Variants in PPP4R3B observed in about 807,000 individuals in gnomAD.
The protein encoded by PPP4R3B is serine/threonine-protein phosphatase 4 regulatory subunit 3B.
Under a neutral mutation model 95.4 loss-of-function variants are expected in PPP4R3B, and 52 were observed. The observed-to-expected ratio is 0.54, with a 90% CI of 0.44 to 0.69. The LOEUF is 0.69. Ranked by LOEUF, PPP4R3B falls within the 30% of genes least tolerant of loss-of-function variation. PPP4R3B has a pLI of 0.00. For missense variants in PPP4R3B, 1,003 were observed against 1,005.9 expected (o/e 1.00, Z 0.04); for synonymous variants, 407 against 343.9 (o/e 1.18, Z -2.03).
Position 55,586,599 on chromosome 2 carries a change from A to G in PPP4R3B, c.1116+19T>C, listed in dbSNP as rs1164242811. On this transcript the variant is annotated intron_variant, in intron 6 of 16. Coordinates refer to ENST00000616407, the MANE Select transcript of PPP4R3B (RefSeq NM_001122964.3). ...CAAATTTACAATTTCAAAAACATGA[A>G]AAGAAACGGCATAATTACCATTACA... 6.9e-7 allele frequency: 1 copy of G among 1,456,830 alleles called. No homozygotes were observed. The highest frequency in any genetic ancestry group is 9.5e-7 in the Non-Finnish European group (1 of 1,053,688). The allele number at this position is 1,456,830 out of a possible 1,614,324, so 90.2% of individuals were successfully genotyped here. A position where few individuals can be genotyped will look rare whatever the true frequency, so the allele number is the denominator to read the frequency against.
intron 5 of PPP4R3B, among the ~76,000 whole-genome samples, chr2:55,587,027 G>A (rs1395109492): frequency 1.3e-5 from 2 of 152,056 alleles, no homozygotes; most frequent in Non-Finnish European, 2.9e-5. Context: ...TTTTTCCAGT[G>A]AATGGAGGTG....
intron 13 of PPP4R3B, among the ~76,000 whole-genome samples, chr2:55,567,770 T>C (rs1687499105): frequency 6.6e-6 from 1 of 152,112 alleles, no homozygotes; most frequent in Admixed American, 6.6e-5. Flanking sequence ...ACCTCTACAA[T>C]AAAAATATCA....
chr2:55,553,383 CA>C (rs925780980), intron 16 of PPP4R3B, among the ~76,000 whole-genome samples: 2 of 152,114 alleles, frequency 1.3e-5, no homozygotes, highest in African/African-American at 4.8e-5. Flanking sequence ...GAACTACAAA[CA>C]ACTAACACCT....
chr2:55,589,015 T>A (rs1337670231), intron 4 of PPP4R3B, 59 bp from the exon 5 acceptor site: 1 of 1,013,736 alleles, frequency 9.9e-7, no homozygotes, highest in Non-Finnish European at 1.5e-6. Context: ...TATACTCATT[T>A]ATATGACTTA....
At position 55,617,157 on chromosome 2, in the gene PPP4R3B, C is replaced by T. The variant is rs1229601936; in HGVS notation, c.129G>A (p.Arg43=). 12 of 1,612,598 alleles carry T rather than the reference C, an allele frequency of 7.4e-6. No individual in the cohort carries two copies. The highest frequency in any genetic ancestry group is 1.0e-5 in the Non-Finnish European group (12 of 1,179,416). The change falls in exon 1 of 17, where the codon CGG becomes CGA. Residue 43 remains arginine, a synonymous_variant. Coordinates refer to ENST00000616407, the MANE Select transcript of PPP4R3B (RefSeq NM_001122964.3). ...EELKGMSLLV[R]AESDGSLLLE... is the part of the protein sequence containing the mutation. The stretch of plus-strand genomic sequence containing the variant: ...CGATAACCTTACCGTCGGACTCTGC[C>T]CGAACCAGCAGCGACATCCCCTTGA...
At chr2:55,598,369 A>G (rs757241898) in intron 4 of PPP4R3B, 47 bp downstream of exon 4, 30 of 1,572,654 alleles carry the variant, frequency 1.9e-5, no homozygotes, top group Non-Finnish European at 2.5e-5. Context: ...TATTAAGGGA[A>G]CTAAATATCT....
intron 3 of PPP4R3B, among the ~76,000 whole-genome samples, chr2:55,602,016 T>C (rs1185803414): frequency 1.3e-5 from 2 of 152,112 alleles, no homozygotes; most frequent in African/African-American, 2.4e-5. Flanking sequence ...AAAAAATCAC[T>C]GGACTGACAA....
intron 2 of PPP4R3B, 91 bp downstream of exon 2, chr2:55,615,360 T>C: frequency 1.1e-6 from 1 of 945,834 alleles, no homozygotes. Context: ...CATGTTTTTT[T>C]CTTGTCAGGA....
chr2:55,617,450 G>T lies in PPP4R3B; in HGVS notation c.-165C>A. The T allele has an allele frequency of 1.3e-6, 1 of 795,688 alleles. No homozygotes were observed. The highest frequency in any genetic ancestry group is 1.8e-6 in the Non-Finnish European group (1 of 553,316). 49.3% of individuals were successfully genotyped at this position (795,688 alleles called of 1,614,324 possible). On this transcript the variant is annotated 5_prime_UTR_variant, in exon 1 of 17. Transcript: ENST00000616407. The stretch of plus-strand genomic sequence containing the variant: ...CAAAGGTTCAGCCGCGAGAAGGGGT[G>T]ACAAGAGCCACTGAGGCCTCTCCGC...
intron 15 of PPP4R3B, among the ~76,000 whole-genome samples, chr2:55,562,851 C>G (rs1686802688): frequency 6.6e-6 from 1 of 152,120 alleles, no homozygotes; most frequent in Non-Finnish European, 1.5e-5. Context: ...CACTCACTGA[C>G]TCTACACTTC....
At chr2:55,556,407 A>C (rs939166207) in intron 16 of PPP4R3B, among the ~76,000 whole-genome samples, 10 of 152,228 alleles carry the variant, frequency 6.6e-5, no homozygotes, top group African/African-American at 2.4e-4. Flanking sequence ...AAACTCAGAG[A>C]AATATAACAG....
At position 55,549,609 on chromosome 2, in the gene PPP4R3B, C is replaced by G; in HGVS notation, c.*302G>C. 6.8e-6 allele frequency: 2 copies of G among 294,284 alleles called. No homozygotes were observed. The highest frequency in any genetic ancestry group is 1.1e-4 in the South Asian group (2 of 18,464). The allele number at this position is 294,284 out of a possible 1,614,324, so 18.2% of individuals were successfully genotyped here. On this transcript the variant is annotated 3_prime_UTR_variant, in exon 17 of 17. Transcript: ENST00000616407. ...TGCATTATTATATCAACCTTTTCCC[C>G]TCCCCTAAACCGTCCCCAAACCTGT...
At chr2:55,588,652 G>T (rs570966472) in intron 5 of PPP4R3B, among the ~76,000 whole-genome samples, 2 of 152,092 alleles carry the variant, frequency 1.3e-5, no homozygotes, top group South Asian at 2.1e-4. Context: ...ATACAATGGT[G>T]GGGGGTGATA....
chr2:55,599,125 G>A (rs1692209604), intron 3 of PPP4R3B, 86 bp from the exon 4 acceptor site: 4 of 1,225,736 alleles, frequency 3.3e-6, no homozygotes, highest in African/African-American at 1.5e-5. Flanking sequence ...GAAATGCCTG[G>A]CTAGTCACTA....
intron 15 of PPP4R3B, among the ~76,000 whole-genome samples, chr2:55,561,734 C>T (rs896319097): frequency 5.3e-5 from 8 of 152,218 alleles, no homozygotes; most frequent in Non-Finnish European, 8.8e-5. Context: ...TTTGTTTTGG[C>T]CAATTTCTTC....
At chr2:55,560,484 A>C (rs1293701684) in intron 15 of PPP4R3B, among the ~76,000 whole-genome samples, 2 of 152,288 alleles carry the variant, frequency 1.3e-5, no homozygotes, top group East Asian at 3.9e-4. Flanking sequence ...CAAAGCATTC[A>C]AGTGGTGGCC....
intron 3 of PPP4R3B, among the ~76,000 whole-genome samples, chr2:55,600,634 G>A (rs115984686): frequency 6.6e-6 from 1 of 152,132 alleles, no homozygotes; most frequent in Non-Finnish European, 1.5e-5. Flanking sequence ...TCAGCAACAT[G>A]CACAGATTTT....
chr2:55,559,294 C>T (rs1016920708), intron 15 of PPP4R3B, among the ~76,000 whole-genome samples: 1 of 151,700 alleles, frequency 6.6e-6, no homozygotes, highest in Non-Finnish European at 1.5e-5. Flanking sequence ...TGTGGTGAGC[C>T]GAGATCGCAC....
At chr2:55,563,316 T>C (rs923232301) in intron 15 of PPP4R3B, among the ~76,000 whole-genome samples, 4 of 152,274 alleles carry the variant, frequency 2.6e-5, no homozygotes, top group East Asian at 3.8e-4. Flanking sequence ...AAATGTCACA[T>C]TCAAAATCAC....
Sources: allele counts gnomAD v4.1 joint callset (sites outside exome capture counted in the v4.1 genomes callset), GRCh38; gene constraint gnomAD v4.1.1; transcripts MANE v1.5; gene names NCBI Gene and HGNC (gene_info 2026-07-23, HGNC 2026-07-21).